Variants in KARS1 observed in about 807,000 individuals in gnomAD.
KARS1 encodes lysine--tRNA ligase.
Under a neutral mutation model 63.9 loss-of-function variants are expected in KARS1, and 50 were observed. The ratio of observed to expected loss-of-function variants is 0.78; its 90% CI spans 0.62 to 0.99. KARS1 has a LOEUF of 0.99. Among genes scored for constraint, KARS1 ranks in the 50% least tolerant of loss-of-function variants. KARS1 has a pLI of 0.00. For missense variants in KARS1, 816 were observed against 754.5 expected, an observed-to-expected ratio of 1.08 and a Z score of -0.95; for synonymous variants, 320 against 264.6, an observed-to-expected ratio of 1.21 and a Z score of -2.03.
intron 3 of KARS1, among the ~76,000 whole-genome samples, chr16:75,636,967 G>A (rs2082169565): frequency 6.8e-6 from 1 of 148,122 alleles, no homozygotes; most frequent in Admixed American, 6.8e-5. Context: ...TTTGGTCAGG[G>A]CACAATGCAA....
At chr16:75,636,929 C>G (rs1212061668) in intron 3 of KARS1, among the ~76,000 whole-genome samples, 1 of 150,114 alleles carries the variant, frequency 6.7e-6, no homozygotes, top group African/African-American at 2.5e-5. Flanking sequence ...TGTGAGCCCC[C>G]ACACCCGGCC....
intron 2 of KARS1, among the ~76,000 whole-genome samples, chr16:75,640,632 T>C (rs780062325): frequency 2.0e-5 from 3 of 152,246 alleles, no homozygotes; most frequent in Non-Finnish European, 4.4e-5. Flanking sequence ...ACAGGTGGCC[T>C]TGTTGTCACT....
chr16:75,631,568 C>T lies in KARS1; in HGVS notation c.1100G>A (p.Gly367Asp), dbSNP rs2082114026. ...TGGGTGGTAGGTGACCTTGTAACTGCCTGTAATATGCTTCACCATCCCTGG... is the reference window on the plus strand; with the variant it reads ...TGGGTGGTAGGTGACCTTGTAACTGTCTGTAATATGCTTCACCATCCCTGG... ...MVSGMVKHIT[G>D]SYKVTYHPDG... is the part of the protein sequence containing the mutation. The change falls in exon 9 of 14, where the codon GGC becomes GAC. Residue 367 changes from glycine (G) to aspartate (D), a missense_variant. By Grantham distance (94) the Gly-to-Asp change is moderately conservative. Coordinates refer to ENST00000302445, the MANE Select transcript of KARS1 (RefSeq NM_005548.3). 1 of 1,614,024 alleles carries T rather than the reference C, an allele frequency of 6.2e-7. No individual in the cohort carries two copies. The highest frequency in any genetic ancestry group is 8.5e-7 in the Non-Finnish European group (1 of 1,180,026).
At chr16:75,637,729 A>C (rs2082177363) in intron 3 of KARS1, among the ~76,000 whole-genome samples, 7 of 150,768 alleles carry the variant, frequency 4.6e-5, no homozygotes, top group Middle Eastern at 3.4e-3. Flanking sequence ...CAGTGAGCTG[A>C]GATCACGGCA....
intron 1 of KARS1, among the ~76,000 whole-genome samples, chr16:75,643,163 C>G (rs888144427): frequency 1.3e-5 from 2 of 152,138 alleles, no homozygotes; most frequent in African/African-American, 4.8e-5. Flanking sequence ...AGAAACTAAA[C>G]AGATTGGTGT....
chr16:75,642,403 C>T (rs1434999166), intron 1 of KARS1, among the ~76,000 whole-genome samples: 6 of 151,848 alleles, frequency 4.0e-5, no homozygotes, highest in East Asian at 3.9e-4. Flanking sequence ...GGTTTCACCA[C>T]GTTGGCCAGA....
chr16:75,630,421 A>G lies in KARS1; in HGVS notation c.1424+2T>C. 1.3e-6 allele frequency: 2 copies of G among 1,572,674 alleles called. No homozygotes were observed. The highest frequency in any genetic ancestry group is 1.7e-6 in the Non-Finnish European group (2 of 1,144,426). ...TGCAGCAATAGGTAACTGGAATCTT[A>G]CCATTTAGCCAAAGGGCTCATTATC... is the stretch of plus-strand genomic sequence containing the variant. On this transcript the variant is annotated splice_donor_variant, in intron 11 of 13. Coordinates refer to ENST00000302445, the MANE Select transcript of KARS1 (RefSeq NM_005548.3). LOFTEE classifies it high-confidence loss of function.
chr16:75,631,594 G>C lies in KARS1; in HGVS notation c.1079-5C>G. 4.3e-6 allele frequency: 7 copies of C among 1,614,120 alleles called. No homozygotes were observed. The highest frequency in any genetic ancestry group is 5.9e-6 in the Non-Finnish European group (7 of 1,180,008). Reference sequence around the variant, plus strand: ...CTGTAATATGCTTCACCATCCCTGGGAGAGAAACCTGTTATTTAGCGGGAA... The same window carrying C: ...CTGTAATATGCTTCACCATCCCTGGCAGAGAAACCTGTTATTTAGCGGGAA... On this transcript the variant is annotated splice_region_variant and splice_polypyrimidine_tract_variant and intron_variant, in intron 8 of 13. Coordinates refer to ENST00000302445, the MANE Select transcript of KARS1 (RefSeq NM_005548.3).
At chr16:75,640,481 C>T in intron 2 of KARS1, 132 bp from the exon 3 acceptor site, 1 of 821,168 alleles carries the variant, frequency 1.2e-6, no homozygotes, top group East Asian at 2.5e-5. Flanking sequence ...AAGACCTCTG[C>T]ATTACAGGAT....
intron 6 of KARS1, chr16:75,635,473 C>G: frequency 1.6e-6 from 1 of 633,962 alleles, no homozygotes. Flanking sequence ...TGTGGATGGC[C>G]CTATACCTTG....
rs753082472 is a variant in KARS1 at position 75,627,870 on chromosome 16, T to TTGTA, written c.*24_*25insTACA. 5.4e-6 allele frequency: 7 copies of TTGTA among 1,302,134 alleles called. No individual in the cohort carries two copies. The highest frequency in any genetic ancestry group is 7.8e-6 in the Non-Finnish European group (7 of 896,092). The allele number at this position is 1,302,134 out of a possible 1,614,324, so 80.7% of individuals were successfully genotyped here. A position where few individuals can be genotyped will look rare whatever the true frequency, so the allele number is the denominator to read the frequency against. On this transcript the variant is annotated 3_prime_UTR_variant, in exon 14 of 14. Coordinates refer to ENST00000302445, the MANE Select transcript of KARS1 (RefSeq NM_005548.3). Reference sequence around the variant, plus strand: ...TCGCAGAAATGCAAAGACGCCTGAGTTATACAACTTGCAATTATTATTTTC... The same window carrying TTGTA: ...TCGCAGAAATGCAAAGACGCCTGAGTTGTATATACAACTTGCAATTATTATTTTC...
chr16:75,632,372 C>T (rs2082123537), intron 7 of KARS1, among the ~76,000 whole-genome samples: 1 of 152,214 alleles, frequency 6.6e-6, no homozygotes, highest in Admixed American at 6.5e-5. Flanking sequence ...CTTCTCGATA[C>T]TCTTCCTGTC....
chr16:75,640,231 T>C lies in KARS1; in HGVS notation c.341A>G (p.His114Arg), dbSNP rs1337711726. 1 of 1,614,018 alleles carries C rather than the reference T, an allele frequency of 6.2e-7. No individual in the cohort carries two copies. Among genetic ancestry groups the C allele is most frequent in the East Asian group, 2.2e-5 (1 of 44,886 alleles). The change falls in exon 3 of 14, where the codon CAC (histidine) becomes CGC (arginine). Residue 114 changes from histidine to arginine, a missense_variant. Physicochemically the swap from His to Arg is conservative, Grantham distance 29 (BLOSUM62 0). Transcript: ENST00000302445. ...AGTCAGGTGATCCCCAGGCTGCAGG[T>C]GACTATATTTTTGGATGAAGTCAGT... ...SLTDFIQKYS[H>R]LQPGDHLTDI...
intron 7 of KARS1, among the ~76,000 whole-genome samples, chr16:75,632,914 C>T (rs893413442): frequency 1.3e-5 from 2 of 152,146 alleles, no homozygotes; most frequent in African/African-American, 2.4e-5. Context: ...CAGTTCTTAC[C>T]GTACAGCATT....
rs2082303539 is a variant in KARS1 at position 75,647,569 on chromosome 16, G to C, written c.62+9C>G. The C allele has an allele frequency of 1.9e-6, 3 of 1,612,164 alleles. No homozygotes were observed. Among genetic ancestry groups the C allele is most frequent in the African/African-American group, 1.3e-5 (1 of 74,882 alleles). On this transcript the variant is annotated intron_variant, in intron 1 of 13. Coordinates refer to ENST00000302445, the MANE Select transcript of KARS1 (RefSeq NM_005548.3). ...CGCAAAGGCTTTAAAGACTCGCAGC[G>C]ACACTCACTTCTTGCTCAGTTTCGG...
intron 3 of KARS1, among the ~76,000 whole-genome samples, chr16:75,638,592 G>A (rs570728634): frequency 6.6e-6 from 1 of 152,268 alleles, no homozygotes; most frequent in East Asian, 1.9e-4. Context: ...ACTAAGAAAT[G>A]AGGTGATAAC....
intron 1 of KARS1, among the ~76,000 whole-genome samples, chr16:75,643,797 G>T (rs904773674): frequency 6.6e-6 from 1 of 152,200 alleles, no homozygotes; most frequent in East Asian, 1.9e-4. Context: ...ACACTGTGCT[G>T]GTGTTATCAT....
intron 1 of KARS1, among the ~76,000 whole-genome samples, chr16:75,646,183 C>G (rs146643687): frequency 6.6e-6 from 1 of 152,200 alleles, no homozygotes; most frequent in Non-Finnish European, 1.5e-5. Context: ...CAACTATAAA[C>G]TTCGACAATT....
chr16:75,646,258 CA>C (rs954304006), intron 1 of KARS1, among the ~76,000 whole-genome samples: 2 of 152,162 alleles, frequency 1.3e-5, no homozygotes, highest in Non-Finnish European at 2.9e-5. Flanking sequence ...AACATCAGGC[CA>C]GGGGTGGTGG....
Sources: gnomAD v4.1 joint callset for allele counts (sites outside exome capture counted in the v4.1 genomes callset) on GRCh38, gnomAD v4.1.1 for gene constraint, MANE v1.5 for transcripts, NCBI Gene and HGNC (gene_info 2026-07-23, HGNC 2026-07-21) for gene names.